TRIO: variants seen among roughly 807,000 people sequenced by gnomAD.
The protein encoded by TRIO is trio Rho guanine nucleotide exchange factor.
In TRIO, 58 loss-of-function variants were observed where a neutral mutation model predicts 351.9. That is an observed-to-expected ratio of 0.16 (90% CI 0.13 to 0.21). The LOEUF is 0.21. Ranked by LOEUF, TRIO falls within the 10% of genes least tolerant of loss-of-function variation. The pLI is 1.00. For missense variants in TRIO, 3,201 were observed against 4,027.8 expected, an observed-to-expected ratio of 0.79 and a Z score of 5.56; for synonymous variants, 1,758 against 1,595.7, an observed-to-expected ratio of 1.10 and a Z score of -2.42.
intron 1 of TRIO, among the ~76,000 whole-genome samples, chr5:14,205,814 C>T (rs1791423608): frequency 6.6e-6 from 1 of 152,178 alleles, no homozygotes; most frequent in Non-Finnish European, 1.5e-5. Context: ...CTCACTACAA[C>T]TTCTGCCTCC....
At chr5:14,233,397 G>A (rs1793580176) in intron 1 of TRIO, among the ~76,000 whole-genome samples, 1 of 151,682 alleles carries the variant, frequency 6.6e-6, no homozygotes. Flanking sequence ...GGCTGAAGTG[G>A]GAGGACTGCT....
Position 14,286,770 on chromosome 5 carries a change from G to A in TRIO, c.348-101G>A. ...CTTCCCCTGCCTCCGCACGTGTCCA[G>A]CAGGGGAGGGAAGCTGGGTCTGTGG... On this transcript the variant is annotated intron_variant, in intron 3 of 56. Transcript: ENST00000344204. This position sits in a 1 kb window ranked among gnomAD's most constrained non-coding sequence, Gnocchi z 4.4. 7.8e-7 allele frequency: 1 copy of A among 1,282,124 alleles called. No individual in the cohort carries two copies. Among genetic ancestry groups the A allele is most frequent in the Admixed American group, 2.1e-5 (1 of 46,818 alleles). The allele number at this position is 1,282,124 out of a possible 1,614,324, so 79.4% of individuals were successfully genotyped here. A position where few individuals can be genotyped will look rare whatever the true frequency, so the allele number is the denominator to read the frequency against.
At chr5:14,372,210 C>T (rs150482868) in intron 18 of TRIO, among the ~76,000 whole-genome samples, 2 of 79,958 alleles carry the variant, frequency 2.5e-5, no homozygotes, top group South Asian at 3.9e-4. Context: ...GTTTGAAAGG[C>T]GGAGGGGGGG....
At chr5:14,380,324 C>A (rs1745974140) in intron 20 of TRIO, among the ~76,000 whole-genome samples, 1 of 128,568 alleles carries the variant, frequency 7.8e-6, no homozygotes, top group Non-Finnish European at 1.6e-5. Flanking sequence ...TCCTTCGCGC[C>A]CCGCCTCCTC....
At chr5:14,350,510 C>A (rs1280847267) in intron 11 of TRIO, among the ~76,000 whole-genome samples, 1 of 152,180 alleles carries the variant, frequency 6.6e-6, no homozygotes, top group Non-Finnish European at 1.5e-5. Flanking sequence ...CCAGGTTAGT[C>A]ACGTCCATCT....
intron 18 of TRIO, among the ~76,000 whole-genome samples, chr5:14,371,834 G>T (rs1745134997): frequency 6.6e-6 from 1 of 151,718 alleles, no homozygotes; most frequent in South Asian, 2.1e-4. Flanking sequence ...TAGTAATGGA[G>T]TCTCCTTATG....
rs1165310959 is a variant in TRIO, at chr5:14,382,563, G to A, written c.3570+1311G>A. Among the ~76,000 whole-genome samples, 3 of 152,158 alleles carry A rather than the reference G, an allele frequency of 2.0e-5. No individual in the cohort carries two copies. The East Asian group carries it at 5.8e-4, about 29-fold the overall frequency. The stretch of plus-strand genomic sequence containing the variant: ...GGGGAGGGCAGGGCGCAGGACCAGG[G>A]GACAGTAGCTGCCCCCAGAGGCACA... On this transcript the variant is annotated intron_variant, in intron 21 of 56. Coordinates refer to ENST00000344204, the MANE Select transcript of TRIO (RefSeq NM_007118.4).
At chr5:14,327,444 G>A (rs1740487646) in intron 9 of TRIO, among the ~76,000 whole-genome samples, 1 of 152,168 alleles carries the variant, frequency 6.6e-6, no homozygotes, top group Non-Finnish European at 1.5e-5. Context: ...GATTATAGGT[G>A]TGAGCCACCG....
At chr5:14,492,353 A>G in intron 48 of TRIO, 1 of 632,944 alleles carries the variant, frequency 1.6e-6, no homozygotes, top group South Asian at 2.0e-5. Flanking sequence ...GCGTCCCTAA[A>G]TTGCTTTCTA....
At chr5:14,156,333 G>A (rs1001077134) in intron 1 of TRIO, among the ~76,000 whole-genome samples, 13 of 152,140 alleles carry the variant, frequency 8.5e-5, no homozygotes, top group Non-Finnish European at 1.6e-4. Context: ...TTAGAAACAC[G>A]ATCTAGGCAC....
intron 11 of TRIO, among the ~76,000 whole-genome samples, chr5:14,353,838 G>A (rs58828043): frequency 9.2e-5 from 14 of 152,314 alleles, no homozygotes; most frequent in African/African-American, 2.2e-4. Context: ...GCTATGTATC[G>A]TGCATCCGGC....
chr5:14,455,616 C>G (rs1579705480), intron 34 of TRIO, among the ~76,000 whole-genome samples: 1 of 152,284 alleles, frequency 6.6e-6, no homozygotes, highest in East Asian at 1.9e-4. Flanking sequence ...AAACCTTGAG[C>G]TAGACACAGA....
intron 33 of TRIO, among the ~76,000 whole-genome samples, chr5:14,408,316 T>G (rs1748901550): frequency 6.6e-6 from 1 of 152,214 alleles, no homozygotes; most frequent in African/African-American, 2.4e-5. Context: ...ATATCCTAGT[T>G]TAAGTGATTA....
chr5:14,308,247 C>T (rs1055187355), intron 8 of TRIO, among the ~76,000 whole-genome samples: 1 of 151,850 alleles, frequency 6.6e-6, no homozygotes, highest in Non-Finnish European at 1.5e-5. Flanking sequence ...CCGTCTATCT[C>T]TGCATCCATC....
intron 9 of TRIO, among the ~76,000 whole-genome samples, chr5:14,317,493 C>T (rs1372143530): frequency 6.6e-6 from 1 of 152,160 alleles, no homozygotes; most frequent in African/African-American, 2.4e-5. Flanking sequence ...GGCTGGGAAC[C>T]GCCGTGATAA....
At chr5:14,475,794 G>A (rs1755031326) in intron 40 of TRIO, among the ~76,000 whole-genome samples, 1 of 152,146 alleles carries the variant, frequency 6.6e-6, no homozygotes, top group Non-Finnish European at 1.5e-5. Context: ...TTTCTGGGAT[G>A]ACCAGACAGA....
intron 1 of TRIO, among the ~76,000 whole-genome samples, chr5:14,154,062 C>T (rs1787970808): frequency 1.3e-5 from 2 of 152,156 alleles, no homozygotes; most frequent in African/African-American, 2.4e-5. Flanking sequence ...CCCAGCTTTC[C>T]GGTGGAGGCA....
chr5:14,367,061 C>G, intron 16 of TRIO, 82 bp downstream of exon 16: 3 of 1,572,356 alleles, frequency 1.9e-6, no homozygotes, highest in Non-Finnish European at 8.6e-7. Flanking sequence ...TGGCACTGAC[C>G]ATGGGAACCA....
intron 1 of TRIO, among the ~76,000 whole-genome samples, chr5:14,261,095 G>T (rs1311183072): frequency 6.6e-6 from 1 of 152,228 alleles, no homozygotes; most frequent in Non-Finnish European, 1.5e-5. Flanking sequence ...GCCGGCAGGA[G>T]GTAAGGCTGG....
Sources: gnomAD v4.1 joint callset for allele counts (sites outside exome capture counted in the v4.1 genomes callset) on GRCh38, gnomAD v4.1.1 for gene constraint, Gnocchi (gnomAD v3.1) non-coding constraint, MANE v1.5 for transcripts, NCBI Gene and HGNC (gene_info 2026-07-23, HGNC 2026-07-21) for gene names.